Variants in FBXO38 observed in about 807,000 individuals in gnomAD.
The protein encoded by FBXO38 is F-box protein 38.
Under a neutral mutation model 131.9 loss-of-function variants are expected in FBXO38, and 53 were observed. The observed-to-expected ratio is 0.40, with a 90% CI of 0.32 to 0.51. FBXO38 has a LOEUF of 0.51. FBXO38 is among the 20% of genes least tolerant of loss of function. The pLI is 0.53. For missense variants in FBXO38, 1,076 were observed against 1,475.6 expected (o/e 0.73, Z 4.44); for synonymous variants, 452 against 505.6 (o/e 0.89, Z 1.42).
chr5:148,387,528 A>G (rs1471844445), intron 1 of FBXO38, among the ~76,000 whole-genome samples: 2 of 152,096 alleles, frequency 1.3e-5, no homozygotes, highest in African/African-American at 4.8e-5. Context: ...CTGGATTCCA[A>G]ACTCTTGTTA....
intron 1 of FBXO38, among the ~76,000 whole-genome samples, chr5:148,389,445 A>T (rs1034232619): frequency 1.3e-5 from 2 of 152,204 alleles, no homozygotes; most frequent in Admixed American, 6.5e-5. Flanking sequence ...CCTGTCCCTC[A>T]TGCTCCATGA....
intron 15 of FBXO38, among the ~76,000 whole-genome samples, chr5:148,431,208 A>G (rs1395455762): frequency 1.3e-5 from 2 of 152,226 alleles, no homozygotes; most frequent in Non-Finnish European, 1.5e-5. Flanking sequence ...CATATGAGGT[A>G]TTGTTGATAC....
chr5:148,398,886 A>C (rs1012379845), intron 2 of FBXO38, 113 bp from the exon 3 acceptor site: 11 of 1,211,342 alleles, frequency 9.1e-6, no homozygotes, highest in Non-Finnish European at 1.3e-5. Context: ...CTCTGTCTTA[A>C]GATCTTATTT....
intron 1 of FBXO38, among the ~76,000 whole-genome samples, chr5:148,390,426 C>T (rs527999493): frequency 1.7e-3 from 263 of 152,274 alleles, no homozygotes; most frequent in Non-Finnish European, 2.9e-3. Context: ...CAAGTTCCTT[C>T]CCCACGATAG....
chr5:148,389,911 C>T (rs950124724), intron 1 of FBXO38: 1 of 152,178 alleles, frequency 6.6e-6, no homozygotes, highest in Non-Finnish European at 1.5e-5. Context: ...CGCCTGTAGT[C>T]CCAGTTACTC....
intron 2 of FBXO38, among the ~76,000 whole-genome samples, chr5:148,397,390 G>A (rs1194357730): frequency 1.3e-5 from 2 of 152,054 alleles, no homozygotes; most frequent in African/African-American, 4.8e-5. Flanking sequence ...GTATTTAAAG[G>A]GAGTAGAATT....
At chr5:148,417,298 A>G in intron 12 of FBXO38, 94 bp downstream of exon 12, 1 of 891,580 alleles carries the variant, frequency 1.1e-6, no homozygotes, top group East Asian at 2.6e-5. Flanking sequence ...CCCTGTTTCA[A>G]CTTGTCACTT....
intron 21 of FBXO38, 55 bp from the exon 22 acceptor site, chr5:148,441,914 T>C: frequency 2.7e-6 from 4 of 1,499,552 alleles, no homozygotes; most frequent in Non-Finnish European, 3.6e-6. Context: ...ATCAGTGATT[T>C]TCCAAATGAT....
intron 15 of FBXO38, 59 bp from the exon 16 acceptor site, chr5:148,433,365 G>A (rs1754145627): frequency 2.5e-6 from 3 of 1,209,258 alleles, no homozygotes; most frequent in African/African-American, 1.5e-5. Context: ...GATTGAATGT[G>A]CTTGAGGGAA....
At chr5:148,416,110 G>T in intron 11 of FBXO38, 40 bp downstream of exon 11, 1 of 1,471,670 alleles carries the variant, frequency 6.8e-7, no homozygotes, top group Non-Finnish European at 9.0e-7. Context: ...ATTTTGATAG[G>T]AAAGAAAATA....
Position 148,425,702 on chromosome 5 carries a change from G to A in FBXO38, c.1918+1G>A. 1 of 1,611,870 alleles carries A rather than the reference G, an allele frequency of 6.2e-7. No homozygotes were observed. The highest frequency in any genetic ancestry group is 8.5e-7 in the Non-Finnish European group (1 of 1,178,924). ...TCAGTGCAGTCCAGAGAATTGTCAG[G>A]TGAGAAATTGTCTTTCTCTGAACTA... On this transcript the variant is annotated splice_donor_variant, in intron 14 of 21. Transcript: ENST00000340253. LOFTEE classifies it high-confidence loss of function.
chr5:148,405,703 T>C (rs1752410389), intron 6 of FBXO38, among the ~76,000 whole-genome samples: 1 of 152,248 alleles, frequency 6.6e-6, no homozygotes, highest in African/African-American at 2.4e-5. Flanking sequence ...TTGTATGCGT[T>C]CTTCAGGTTC....
chr5:148,389,183 CAATT>C (rs1041690702), intron 1 of FBXO38, among the ~76,000 whole-genome samples: 13 of 152,078 alleles, frequency 8.5e-5, no homozygotes, highest in African/African-American at 1.4e-4. Flanking sequence ...ACCTCCAAAA[CAATT>C]AAAGTAGTAA....
chr5:148,400,391 A>G (rs1306287949), intron 3 of FBXO38, among the ~76,000 whole-genome samples: 1 of 152,120 alleles, frequency 6.6e-6, no homozygotes, highest in Non-Finnish European at 1.5e-5. Flanking sequence ...TAAAGACAGG[A>G]TGGCAGAACT....
At chr5:148,414,518 A>G (rs1311444643) in intron 10 of FBXO38, among the ~76,000 whole-genome samples, 1 of 152,114 alleles carries the variant, frequency 6.6e-6, no homozygotes, top group Non-Finnish European at 1.5e-5. Context: ...CTAGAAGTGT[A>G]TACTCTCCAG....
chr5:148,405,646 G>T (rs918712419), intron 6 of FBXO38, among the ~76,000 whole-genome samples: 3 of 152,148 alleles, frequency 2.0e-5, no homozygotes, highest in Non-Finnish European at 1.5e-5. Flanking sequence ...CTCTTATGCT[G>T]TATTATTGTT....
chr5:148,425,697 G>T lies in FBXO38; in HGVS notation c.1914G>T (p.Leu638Phe). ...KTGESVQSRE[L>F]SVSGKGKTPL... is the part of the protein sequence containing the mutation. Reference sequence around the variant, plus strand: ...GAGAGTCAGTGCAGTCCAGAGAATTGTCAGGTGAGAAATTGTCTTTCTCTG... The same window carrying T: ...GAGAGTCAGTGCAGTCCAGAGAATTTTCAGGTGAGAAATTGTCTTTCTCTG... The change falls in exon 14 of 22, where the codon TTG becomes TTT. Residue 638 changes from leucine to phenylalanine, a missense_variant. By Grantham distance (22) the Leu-to-Phe change is conservative. Coordinates refer to ENST00000340253, the MANE Select transcript of FBXO38 (RefSeq NM_205836.3). 6.2e-7 allele frequency: 1 copy of T among 1,612,562 alleles called. No homozygotes were observed. The highest frequency in any genetic ancestry group is 8.5e-7 in the Non-Finnish European group (1 of 1,179,342).
intron 2 of FBXO38, among the ~76,000 whole-genome samples, chr5:148,398,072 A>G (rs573002373): frequency 2.0e-4 from 31 of 152,156 alleles, no homozygotes; most frequent in Admixed American, 1.7e-3. Context: ...ACAGCCAGAG[A>G]GGGGTAGGGA....
At chr5:148,439,015 T>G (rs1754516132) in intron 18 of FBXO38, among the ~76,000 whole-genome samples, 1 of 152,218 alleles carries the variant, frequency 6.6e-6, no homozygotes, top group African/African-American at 2.4e-5. Context: ...TGTGTAAGCC[T>G]GGCCTCAAAA....
Sources: gnomAD v4.1 joint callset for allele counts (sites outside exome capture counted in the v4.1 genomes callset) on GRCh38, gnomAD v4.1.1 for gene constraint, MANE v1.5 for transcripts, NCBI Gene and HGNC (gene_info 2026-07-23, HGNC 2026-07-21) for gene names.